TMTC2: variants seen among roughly 807,000 people sequenced by gnomAD.
The protein encoded by TMTC2 is protein O-mannosyl-transferase TMTC2.
TMTC2 carries 43 observed loss-of-function variants against 82.4 expected under a neutral mutation model. That is an observed-to-expected ratio of 0.52 (90% confidence interval 0.41 to 0.67). TMTC2 has a LOEUF of 0.67. Among genes scored for constraint, TMTC2 ranks in the 30% least tolerant of loss-of-function variants. TMTC2 has a pLI of 0.00. For missense variants in TMTC2, 919 were observed against 1,012.4 expected (o/e 0.91, Z 1.25); for synonymous variants, 408 against 381.9 (o/e 1.07, Z -0.80).
chr12:82,741,699 A>G (rs1875417702), intron 1 of TMTC2, among the ~76,000 whole-genome samples: 1 of 152,214 alleles, frequency 6.6e-6, no homozygotes, highest in African/African-American at 2.4e-5. Flanking sequence ...AATAGAAGAA[A>G]TTTCATCCAT....
chr12:82,938,264 G>A (rs1876517876), intron 4 of TMTC2, among the ~76,000 whole-genome samples: 1 of 152,010 alleles, frequency 6.6e-6, no homozygotes, highest in Non-Finnish European at 1.5e-5. Flanking sequence ...TGAAAATTCA[G>A]GGCCAGGTTT....
chr12:82,817,694 T>C (rs2137058241), intron 1 of TMTC2, among the ~76,000 whole-genome samples: 1 of 152,306 alleles, frequency 6.6e-6, no homozygotes, highest in South Asian at 2.1e-4. Context: ...AGTGAGACCA[T>C]AAAAGATGAA....
At chr12:82,742,277 G>C (rs1023049273) in intron 1 of TMTC2, among the ~76,000 whole-genome samples, 1 of 151,690 alleles carries the variant, frequency 6.6e-6, no homozygotes, top group Non-Finnish European at 1.5e-5. Flanking sequence ...CTTTCCCTAG[G>C]TCATGCCATT....
chr12:82,964,089 A>G (rs547532215), intron 4 of TMTC2, among the ~76,000 whole-genome samples: 1 of 151,684 alleles, frequency 6.6e-6, no homozygotes, highest in South Asian at 2.1e-4. Flanking sequence ...AGACCTCAGC[A>G]GCTGCCAAGT....
chr12:82,805,652 C>T (rs1226256592), intron 1 of TMTC2, among the ~76,000 whole-genome samples: 2 of 151,698 alleles, frequency 1.3e-5, no homozygotes, highest in Non-Finnish European at 2.9e-5. Context: ...GGACTATAGG[C>T]ACCTGGCACC....
intron 1 of TMTC2, among the ~76,000 whole-genome samples, chr12:82,829,670 A>G (rs930281501): frequency 6.6e-6 from 1 of 152,214 alleles, no homozygotes; most frequent in African/African-American, 2.4e-5. Context: ...AGTTATATGT[A>G]TACAATGTAA....
chr12:83,010,490 A>C (rs1363509219), intron 8 of TMTC2, among the ~76,000 whole-genome samples: 1 of 152,168 alleles, frequency 6.6e-6, no homozygotes, highest in Non-Finnish European at 1.5e-5. Flanking sequence ...GTTTACCTGC[A>C]TGTATTTACA....
intron 9 of TMTC2, among the ~76,000 whole-genome samples, chr12:83,046,704 T>C (rs1286432765): frequency 6.6e-6 from 1 of 152,188 alleles, no homozygotes; most frequent in East Asian, 1.9e-4. Flanking sequence ...GAAGAGCACC[T>C]GTCTTTCTTG....
chr12:82,723,328 C>A (rs760350584), intron 1 of TMTC2, among the ~76,000 whole-genome samples: 1 of 152,126 alleles, frequency 6.6e-6, no homozygotes, highest in African/African-American at 2.4e-5. Flanking sequence ...TTTAGGAGCT[C>A]CAACCGCAGC....
chr12:82,995,057 T>C (rs1164204096), intron 8 of TMTC2, among the ~76,000 whole-genome samples: 3 of 152,070 alleles, frequency 2.0e-5, no homozygotes, highest in Non-Finnish European at 4.4e-5. Flanking sequence ...TCCTATCACA[T>C]AATAAAGCAT....
chr12:82,859,847 T>A (rs1288325780), intron 2 of TMTC2, among the ~76,000 whole-genome samples: 4 of 152,188 alleles, frequency 2.6e-5, no homozygotes, highest in Non-Finnish European at 4.4e-5. Flanking sequence ...GCAAGGGTAG[T>A]GGTCGGGGGC....
intron 2 of TMTC2, among the ~76,000 whole-genome samples, chr12:82,860,122 C>T (rs1157581669): frequency 6.6e-6 from 1 of 152,030 alleles, no homozygotes; most frequent in African/African-American, 2.4e-5. Context: ...TACAGGCATG[C>T]GTCACCAGGC....
At chr12:82,937,917 T>TA (rs1206323251) in intron 4 of TMTC2, among the ~76,000 whole-genome samples, 17 of 33,588 alleles carry the variant, frequency 5.1e-4, no homozygotes, top group Admixed American at 3.0e-3. Flanking sequence ...CCTTTTTTTT[T>TA]TTTTATTTTT....
At chr12:83,120,756 T>A (rs1316025084) in intron 11 of TMTC2, among the ~76,000 whole-genome samples, 1 of 152,216 alleles carries the variant, frequency 6.6e-6, no homozygotes, top group Non-Finnish European at 1.5e-5. Context: ...TTTTCCCAAC[T>A]TTTAGATTTA....
intron 1 of TMTC2, among the ~76,000 whole-genome samples, chr12:82,809,875 C>T (rs555145370): frequency 2.6e-5 from 4 of 152,120 alleles, no homozygotes; most frequent in Admixed American, 6.5e-5. Flanking sequence ...ATATTTGATA[C>T]GTCTAGTATT....
intron 8 of TMTC2, among the ~76,000 whole-genome samples, chr12:82,994,797 C>T (rs1475315128): frequency 6.6e-6 from 1 of 152,134 alleles, no homozygotes; most frequent in Non-Finnish European, 1.5e-5. Flanking sequence ...CAATAAAAGT[C>T]AGTCTACCAT....
At chr12:82,887,741 T>G (rs1206371184) in intron 2 of TMTC2, among the ~76,000 whole-genome samples, 1 of 152,216 alleles carries the variant, frequency 6.6e-6, no homozygotes, top group Non-Finnish European at 1.5e-5. Flanking sequence ...ATTTCCTTTT[T>G]TATGTTAAAT....
chr12:83,055,325 G>A (rs2137463235), intron 10 of TMTC2, among the ~76,000 whole-genome samples: 1 of 152,124 alleles, frequency 6.6e-6, no homozygotes, highest in South Asian at 2.1e-4. Flanking sequence ...TATTCATAGG[G>A]AAGATGATCA....
At chr12:82,837,145 T>G (rs1040410046) in intron 1 of TMTC2, among the ~76,000 whole-genome samples, 1 of 152,262 alleles carries the variant, frequency 6.6e-6, no homozygotes, top group Non-Finnish European at 1.5e-5. Flanking sequence ...TTTGGACATA[T>G]GGTCCACTTT....
Sources: gnomAD v4.1 joint callset for allele counts (sites outside exome capture counted in the v4.1 genomes callset) on GRCh38, gnomAD v4.1.1 for gene constraint, MANE v1.5 for transcripts, NCBI Gene and HGNC (gene_info 2026-07-23, HGNC 2026-07-21) for gene names.